VAV3: variants seen among roughly 807,000 people sequenced by gnomAD.
VAV3 encodes vav guanine nucleotide exchange factor 3, also known as guanine nucleotide exchange factor VAV3.
A neutral mutation model predicts 131.2 loss-of-function variants in VAV3; 94 were observed. The ratio of observed to expected loss-of-function variants is 0.72; its 90% confidence interval spans 0.61 to 0.85. VAV3 has a LOEUF of 0.85. VAV3 is among the 40% of genes least tolerant of loss of function. VAV3 has a pLI of 0.00. For missense variants in VAV3, 939 were observed against 1,002.7 expected, an observed-to-expected ratio of 0.94 and a Z score of 0.86; for synonymous variants, 349 against 342.0, an observed-to-expected ratio of 1.02 and a Z score of -0.22.
intron 15 of VAV3, among the ~76,000 whole-genome samples, chr1:107,730,051 T>C (rs1662123693): frequency 6.6e-6 from 1 of 152,150 alleles, no homozygotes; most frequent in Admixed American, 6.5e-5. Context: ...GGGCAAAAAT[T>C]TGAACTCCCA....
At chr1:107,659,957 A>T (rs1656883955) in intron 19 of VAV3, among the ~76,000 whole-genome samples, 1 of 152,186 alleles carries the variant, frequency 6.6e-6, no homozygotes, top group African/African-American at 2.4e-5. Flanking sequence ...AATGGCAAAC[A>T]TTTATACTTC....
chr1:107,720,416 TAAATAAATAAATA>T (rs1415661028), intron 15 of VAV3, among the ~76,000 whole-genome samples: 4 of 105,090 alleles, frequency 3.8e-5, no homozygotes, highest in African/African-American at 1.5e-4. Flanking sequence ...AATAAATAAA[TAAATAAATAAATA>T]AAAGTTCCAT....
At chr1:107,764,212 C>A (rs1176520405) in intron 9 of VAV3, among the ~76,000 whole-genome samples, 2 of 152,134 alleles carry the variant, frequency 1.3e-5, no homozygotes, top group Non-Finnish European at 2.9e-5. Flanking sequence ...CGTGCCACCT[C>A]TCAAACTTTC....
At position 107,845,260 on chromosome 1, in the gene VAV3, G is replaced by A. The variant is rs182743167; in HGVS notation, c.321+29641C>T. Among the ~76,000 whole-genome samples, 1,352 of 152,218 alleles carry A rather than the reference G, an allele frequency of 8.9e-3. 13 individuals are homozygous for A. The highest frequency in any genetic ancestry group is 0.017 in the Admixed American group (262 of 15,280). On this transcript the variant is annotated intron_variant, in intron 2 of 26. Coordinates refer to ENST00000370056, the MANE Select transcript of VAV3 (RefSeq NM_006113.5). ...AGAAAGGAATAGCGTCAACATCAACGAAAAGGACGTCCACACAAAAACCCC... is the reference window on the plus strand; with the variant it reads ...AGAAAGGAATAGCGTCAACATCAACAAAAAGGACGTCCACACAAAAACCCC...
chr1:107,845,694 A>T (rs1668934257), intron 2 of VAV3, among the ~76,000 whole-genome samples: 1 of 152,142 alleles, frequency 6.6e-6, no homozygotes, highest in African/African-American at 2.4e-5. Context: ...AGAAGAAAGG[A>T]TATCAGAGAT....
intron 2 of VAV3, among the ~76,000 whole-genome samples, chr1:107,794,692 A>G (rs1666454613): frequency 6.6e-6 from 1 of 152,298 alleles, no homozygotes; most frequent in East Asian, 1.9e-4. Context: ...GAGCCCTGGA[A>G]GACTTCTTTT....
chr1:107,818,190 TCAG>T (rs1363709830), intron 2 of VAV3, among the ~76,000 whole-genome samples: 3 of 152,296 alleles, frequency 2.0e-5, no homozygotes, highest in African/African-American at 7.2e-5. Context: ...CAGTGCTAAT[TCAG>T]CAGATGATGG....
chr1:107,703,867 A>G (rs1660284649), intron 17 of VAV3, among the ~76,000 whole-genome samples: 1 of 152,184 alleles, frequency 6.6e-6, no homozygotes, highest in East Asian at 1.9e-4. Context: ...AAGAAAGGGA[A>G]GAATAAAGAA....
Position 107,706,299 on chromosome 1 carries a change from A to G in VAV3, c.1503-1238T>C, listed in dbSNP as rs72977672. 5.6e-3 allele frequency among the ~76,000 whole-genome samples: 847 copies of G among 152,316 alleles called. 10 individuals are homozygous for G. The highest frequency in any genetic ancestry group is 0.018 in the African/African-American group (747 of 41,580). ...AACACAGGCAGGCGACCAGGCATCA[A>G]TCTCTGAGGTACCAGGAGATGCCTT... On this transcript the variant is annotated intron_variant, in intron 15 of 26. Transcript: ENST00000370056.
chr1:107,651,996 C>T (rs4382749), intron 19 of VAV3, among the ~76,000 whole-genome samples: 56,259 of 151,768 alleles, frequency 0.37, 11,397 homozygotes, highest in East Asian at 0.6. Context: ...CTGTCACAGA[C>T]GAGTGAACCA....
At chr1:107,858,819 C>T (rs1669599374) in intron 2 of VAV3, among the ~76,000 whole-genome samples, 1 of 152,160 alleles carries the variant, frequency 6.6e-6, no homozygotes, top group Non-Finnish European at 1.5e-5. Flanking sequence ...TGGGTAAATG[C>T]TCCATAGAAA....
In VAV3 at chr1:107,754,525, C is replaced by G. The variant is rs567586430; in HGVS notation, c.1173+902G>C. ...TGAAACCACTTCAACAGCTTGCTGG[C>G]TGGGCTGCCTGCTCACAGGGTCTTC... On this transcript the variant is annotated intron_variant, in intron 12 of 26. Transcript: ENST00000370056. 2.0e-5 allele frequency among the ~76,000 whole-genome samples: 3 copies of G among 152,318 alleles called. No homozygotes were observed. In the East Asian group the frequency reaches 5.8e-4, roughly 29 times the overall value.
chr1:107,621,842 T>C (rs539078843), intron 20 of VAV3, among the ~76,000 whole-genome samples: 2 of 152,164 alleles, frequency 1.3e-5, no homozygotes, highest in Non-Finnish European at 2.9e-5. Context: ...TGATATACCA[T>C]ACGGTGCTAT....
chr1:107,902,691 C>T (rs1373706404), intron 1 of VAV3, among the ~76,000 whole-genome samples: 2 of 151,932 alleles, frequency 1.3e-5, no homozygotes, highest in Non-Finnish European at 2.9e-5. Flanking sequence ...CAAAGTATGA[C>T]ACCTGCCATG....
intron 25 of VAV3, among the ~76,000 whole-genome samples, chr1:107,575,921 C>G (rs1570543760): frequency 6.6e-6 from 1 of 152,128 alleles, no homozygotes; most frequent in East Asian, 1.9e-4. Context: ...CATGCACAAA[C>G]CGAAGAACTG....
At chr1:107,693,102 G>A (rs556216142) in intron 17 of VAV3, among the ~76,000 whole-genome samples, 5 of 152,196 alleles carry the variant, frequency 3.3e-5, no homozygotes, top group South Asian at 4.2e-4. Context: ...GCAGTGACTC[G>A]TTCAGAGAAG....
intron 1 of VAV3, among the ~76,000 whole-genome samples, chr1:107,883,450 T>C (rs1670877077): frequency 6.6e-6 from 1 of 152,194 alleles, no homozygotes; most frequent in African/African-American, 2.4e-5. Context: ...GCAGTTTATC[T>C]CTAGGAAAAA....
chr1:107,594,446 A>C (rs1467264277), intron 25 of VAV3, among the ~76,000 whole-genome samples: 1 of 151,524 alleles, frequency 6.6e-6, no homozygotes, highest in East Asian at 1.9e-4. Context: ...TCACAATTAC[A>C]AAAAAAAAGT....
intron 2 of VAV3, among the ~76,000 whole-genome samples, chr1:107,854,141 T>A (rs543293432): frequency 1.9e-4 from 29 of 152,092 alleles, no homozygotes; most frequent in Non-Finnish European, 2.8e-4. Context: ...AATCCCCATC[T>A]CTGCTAAAAA....
Sources: allele counts gnomAD v4.1 joint callset (sites outside exome capture counted in the v4.1 genomes callset), GRCh38; gene constraint gnomAD v4.1.1; transcripts MANE v1.5; gene names NCBI Gene and HGNC (gene_info 2026-07-23, HGNC 2026-07-21).